NME1: variants seen among roughly 807,000 people sequenced by gnomAD.
The protein encoded by NME1 is nucleoside diphosphate kinase A.
A neutral mutation model predicts 17.2 loss-of-function variants in NME1; 9 were observed. The ratio of observed to expected loss-of-function variants is 0.52; its 90% CI spans 0.32 to 0.92. NME1 has a LOEUF of 0.92. Ranked by LOEUF, NME1 falls within the 40% of genes least tolerant of loss-of-function variation. The pLI is 0.04. For synonymous variants in NME1, 72 were observed against 70.8 expected, an observed-to-expected ratio of 1.02 and a Z score of -0.09; for missense variants, 169 against 201.7, an observed-to-expected ratio of 0.84 and a Z score of 0.98.
chr17:51,156,759 G>A (rs1032383349), intron 2 of NME1, among the ~76,000 whole-genome samples: 1 of 151,942 alleles, frequency 6.6e-6, no homozygotes, highest in African/African-American at 2.4e-5. Context: ...AGGCGTGGTG[G>A]CATGCGCCTG....
intron 3 of NME1, 152 bp downstream of exon 3, chr17:51,160,233 G>A (rs749094352): frequency 2.4e-6 from 2 of 834,196 alleles, no homozygotes; most frequent in East Asian, 5.2e-5. Flanking sequence ...CTTCAGAAAT[G>A]AAATATGCCC....
At chr17:51,158,466 T>C (rs2049820118) in intron 2 of NME1, among the ~76,000 whole-genome samples, 1 of 152,124 alleles carries the variant, frequency 6.6e-6, no homozygotes, top group Non-Finnish European at 1.5e-5. Context: ...AACAAAAAGA[T>C]AATTGGAACC....
At chr17:51,161,512 G>C (rs926025429) in intron 4 of NME1, 3 of 662,498 alleles carry the variant, frequency 4.5e-6, no homozygotes. Context: ...CTTTCCTGAA[G>C]GCTCTCACTG....
intron 4 of NME1, 181 bp from the exon 5 acceptor site, chr17:51,161,547 C>T: frequency 1.5e-6 from 1 of 688,648 alleles, no homozygotes; most frequent in Non-Finnish European, 2.5e-6. Flanking sequence ...GCCGGGAGGG[C>T]TGGATGTGGG....
chr17:51,160,037 G>A lies in NME1; in HGVS notation c.184G>A (p.Ala62Thr), dbSNP rs779588729. Residue 62 changes from alanine (A) to threonine (T), a missense_variant, in exon 3 of 5, where the codon GCC (alanine) becomes ACC (threonine). Transcript: ENST00000393196. Reference sequence around the variant, plus strand: ...TGACCTGAAGGACCGTCCATTCTTTGCCGGCCTGGTGAAATACATGCACTC... The same window carrying A: ...TGACCTGAAGGACCGTCCATTCTTTACCGGCCTGGTGAAATACATGCACTC... The part of the protein sequence containing the change: ...YVDLKDRPFF[A>T]GLVKYMHSGP... 6.2e-7 allele frequency: 1 copy of A among 1,614,118 alleles called. No individual in the cohort carries two copies. Among genetic ancestry groups the A allele is most frequent in the Non-Finnish European group, 8.5e-7 (1 of 1,180,000 alleles).
intron 1 of NME1, among the ~76,000 whole-genome samples, chr17:51,154,903 C>T (rs1293559814): frequency 6.6e-6 from 1 of 152,134 alleles, no homozygotes; most frequent in Non-Finnish European, 1.5e-5. Flanking sequence ...CTAGTTCCAC[C>T]GCAGTGTTTG....
Position 51,161,297 on chromosome 17 carries a change from T to C in NME1, c.341+25T>C, listed in dbSNP as rs745643364. On this transcript the variant is annotated intron_variant, in intron 4 of 4. Coordinates refer to ENST00000393196, the MANE Select transcript of NME1 (RefSeq NM_000269.3). ...GGTGAGATTTTGGTATTTTTCCCCC[T>C]TTTCCAAAATCTGATTTAGTTGCCA... The C allele has an allele frequency of 2.6e-5, 41 of 1,572,246 alleles. No homozygotes were observed. In the Admixed American group the frequency reaches 5.2e-4, roughly 20 times the overall value.
chr17:51,161,213 C>G lies in NME1; in HGVS notation c.282C>G (p.Thr94=), dbSNP rs1448093814. Residue 94 remains threonine (T), a synonymous_variant, in exon 4 of 5, where the codon ACC becomes ACG. Coordinates refer to ENST00000393196, the MANE Select transcript of NME1 (RefSeq NM_000269.3). The part of the protein sequence containing the change: ...VKTGRVMLGE[T]NPADSKPGTI... ...CGGGCCGAGTCATGCTCGGGGAGAC[C>G]AACCCTGCAGACTCCAAGCCTGGGA... 4.3e-6 allele frequency: 7 copies of G among 1,612,900 alleles called. No homozygotes were observed. The highest frequency in any genetic ancestry group is 4.0e-5 in the African/African-American group (3 of 74,884).
intron 4 of NME1, 115 bp from the exon 5 acceptor site, chr17:51,161,612 TG>T: frequency 2.3e-6 from 2 of 864,946 alleles, no homozygotes; most frequent in Non-Finnish European, 4.0e-6. Flanking sequence ...TCTTTTAACA[TG>T]GTCTAATGTC....
chr17:51,160,157 G>T (rs1555670792), intron 3 of NME1, 76 bp downstream of exon 3: 2 of 1,525,710 alleles, frequency 1.3e-6, no homozygotes, highest in South Asian at 1.1e-5. Flanking sequence ...AGACACTGGG[G>T]ATACAGCCAT....
Position 51,161,224 on chromosome 17 carries a change from A to T in NME1, c.293A>T (p.Asp98Val), listed in dbSNP as rs2049860341. The change falls in exon 4 of 5, where the codon GAC (aspartate) becomes GTC (valine). Residue 98 changes from aspartate to valine, a missense_variant. By Grantham distance (152) the Asp-to-Val change is radical. Transcript: ENST00000393196. ...ATGCTCGGGGAGACCAACCCTGCAG[A>T]CTCCAAGCCTGGGACCATCCGTGGA... The part of the protein sequence containing the change: ...RVMLGETNPA[D>V]SKPGTIRGDF... 2 of 1,612,488 alleles carry T rather than the reference A, an allele frequency of 1.2e-6. No homozygotes were observed. Among genetic ancestry groups the T allele is most frequent in the Non-Finnish European group, 1.7e-6 (2 of 1,179,554 alleles).
intron 2 of NME1, among the ~76,000 whole-genome samples, chr17:51,156,782 C>T (rs547427783): frequency 8.4e-4 from 127 of 151,282 alleles, no homozygotes; most frequent in African/African-American, 3.0e-3. Context: ...ATCCCAGCTA[C>T]TCGGGAGGCT....
rs763413179 is a variant in NME1 at position 51,161,244 on chromosome 17, C to T, written c.313C>T (p.Arg105Cys). The T allele has an allele frequency of 7.9e-5, 128 of 1,611,966 alleles. 1 individual carries two copies. In the Admixed American group the frequency reaches 1.1e-3, roughly 14 times the overall value. Residue 105 changes from arginine (R) to cysteine (C), a missense_variant, in exon 4 of 5, where the codon CGT becomes TGT. Transcript: ENST00000393196. ...NPADSKPGTI[R>C]GDFCIQVGRN... The stretch of plus-strand genomic sequence containing the variant: ...TGCAGACTCCAAGCCTGGGACCATC[C>T]GTGGAGACTTCTGCATACAAGTTGG...
chr17:51,160,783 C>T (rs368284944), intron 3 of NME1, among the ~76,000 whole-genome samples: 39 of 151,908 alleles, frequency 2.6e-4, no homozygotes, highest in African/African-American at 8.7e-4. Flanking sequence ...CTAATCTTTT[C>T]GTATTTTTAG....
intron 3 of NME1, 31 bp downstream of exon 3, chr17:51,160,112 A>T: frequency 6.2e-7 from 1 of 1,610,028 alleles, no homozygotes; most frequent in Non-Finnish European, 8.5e-7. Flanking sequence ...TACTCCAAGT[A>T]TGCATTGCTT....
chr17:51,159,715 A>T (rs1329166096), intron 2 of NME1, among the ~76,000 whole-genome samples: 1 of 148,224 alleles, frequency 6.7e-6, no homozygotes, highest in South Asian at 2.1e-4. Flanking sequence ...ATTTTTTTTT[A>T]AATGAGATAG....
At position 51,162,013 on chromosome 17, in the gene NME1, G is replaced by A. The variant is rs772608623; in HGVS notation, c.*168G>A. Reference sequence around the variant, plus strand: ...ACAGTGTTACCATCCCCGACCATCTGATTAAAATGCTTCCTCCCAGCATAG... The same window carrying A: ...ACAGTGTTACCATCCCCGACCATCTAATTAAAATGCTTCCTCCCAGCATAG... On this transcript the variant is annotated 3_prime_UTR_variant, in exon 5 of 5. Coordinates refer to ENST00000393196, the MANE Select transcript of NME1 (RefSeq NM_000269.3). 21 of 601,588 alleles carry A rather than the reference G, an allele frequency of 3.5e-5. No individual in the cohort carries two copies. Among genetic ancestry groups the A allele is most frequent in the Non-Finnish European group, 6.0e-5 (20 of 334,816 alleles). The allele number at this position is 601,588 out of a possible 1,614,324, so 37.3% of individuals were successfully genotyped here. A position where few individuals can be genotyped will look rare whatever the true frequency, so the allele number is the denominator to read the frequency against.
rs774621116 is a variant in NME1 at position 51,154,325 on chromosome 17, G to C, written c.-5+663G>C. On this transcript the variant is annotated intron_variant, in intron 1 of 4. Transcript: ENST00000393196. ...ACAGAAAATTGGACTACAGTGCTAA[G>C]ATGCTGTAAGAAGAGGTTAACTAAA... 25 of 1,561,000 alleles carry C rather than the reference G, an allele frequency of 1.6e-5. No individual in the cohort carries two copies. In the Admixed American group the frequency reaches 2.8e-4, roughly 18 times the overall value.
chr17:51,159,850 T>G (rs1393464742), intron 2 of NME1, 130 bp from the exon 3 acceptor site: 2 of 995,042 alleles, frequency 2.0e-6, no homozygotes, highest in Non-Finnish European at 3.1e-6. Context: ...GAGAATGAAT[T>G]GGGTTATAAC....
Sources: gnomAD v4.1 joint callset for allele counts (sites outside exome capture counted in the v4.1 genomes callset) on GRCh38, gnomAD v4.1.1 for gene constraint, MANE v1.5 for transcripts, NCBI Gene and HGNC (gene_info 2026-07-23, HGNC 2026-07-21) for gene names.